CLMN: variants seen among roughly 807,000 people sequenced by gnomAD.
The protein encoded by CLMN is calmin (calponin-like, transmembrane).
In CLMN, 57 loss-of-function variants were observed where a neutral mutation model predicts 92.7. The observed-to-expected ratio is 0.61, with a 90% CI of 0.50 to 0.77. The LOEUF (loss-of-function observed/expected upper bound fraction) is 0.77. Ranked by LOEUF, CLMN falls within the 30% of genes least tolerant of loss-of-function variation. CLMN has a pLI of 0.00. For synonymous variants in CLMN, 466 were observed against 470.6 expected (o/e 0.99, Z 0.13); for missense variants, 1,158 against 1,237.5 (o/e 0.94, Z 0.96).
Position 95,202,884 on chromosome 14 carries a change from T to C in CLMN, c.2465A>G (p.His822Arg), listed in dbSNP as rs1377797060. Residue 822 changes from histidine to arginine, a missense_variant, in exon 9 of 13, where the codon CAC (histidine) becomes CGC (arginine). His to Arg is a conservative substitution (Grantham distance 29). Coordinates refer to ENST00000298912, the MANE Select transcript of CLMN (RefSeq NM_024734.4). Reference protein sequence around the residue: ...EPAPLAPHEDHQQRETKENDP... With the variant: ...EPAPLAPHEDRQQRETKENDP... ...ATTCTCTTTGGTCTCCCTTTGCTGG[T>C]GGTCCTCATGGGGGGCCAGTGGAGC... The C allele has an allele frequency of 1.9e-6, 3 of 1,565,582 alleles. No individual in the cohort carries two copies. The highest frequency in any genetic ancestry group is 2.6e-6 in the Non-Finnish European group (3 of 1,160,826).
intron 1 of CLMN, among the ~76,000 whole-genome samples, chr14:95,301,611 C>T (rs1199985311): frequency 1.3e-5 from 2 of 152,226 alleles, no homozygotes; most frequent in Non-Finnish European, 2.9e-5. Flanking sequence ...CTCCCTCATC[C>T]CCAGGTCTGC....
At chr14:95,288,723 G>A (rs1390657112) in intron 1 of CLMN, among the ~76,000 whole-genome samples, 1 of 152,138 alleles carries the variant, frequency 6.6e-6, no homozygotes, top group Non-Finnish European at 1.5e-5. Context: ...TAAGCCAGAA[G>A]AAACAAGCGC....
chr14:95,194,264 C>T lies in CLMN; in HGVS notation c.2769+272G>A, dbSNP rs796200753. ...TCTGAACGTGATCCTTCTGGGTGCG[C>T]GCGGGGTCCAGGTGAGGCGTTTTGG... On this transcript the variant is annotated intron_variant, in intron 11 of 12. Coordinates refer to ENST00000298912, the MANE Select transcript of CLMN (RefSeq NM_024734.4). This position sits in a 1 kb window ranked among gnomAD's most constrained non-coding sequence, Gnocchi z 4.0. 8.3e-5 allele frequency: 116 copies of T among 1,396,422 alleles called. No homozygotes were observed. The highest frequency in any genetic ancestry group is 4.2e-4 in the South Asian group (26 of 62,264). 86.5% of individuals were successfully genotyped at this position (1,396,422 alleles called of 1,614,324 possible).
intron 8 of CLMN, among the ~76,000 whole-genome samples, chr14:95,204,970 T>C (rs567594027): frequency 5.1e-4 from 77 of 152,306 alleles, no homozygotes; most frequent in African/African-American, 1.8e-3. Context: ...TTTCTTCATA[T>C]ACTAATTAGC....
At chr14:95,319,537 C>T (rs1345858119) in intron 1 of CLMN, among the ~76,000 whole-genome samples, 174 bp downstream of exon 1, 2 of 152,142 alleles carry the variant, frequency 1.3e-5, no homozygotes, top group Admixed American at 6.5e-5. Context: ...CGCGGCTGGC[C>T]GCCCTGGGGC....
intron 1 of CLMN, among the ~76,000 whole-genome samples, chr14:95,312,807 C>A (rs1465657859): frequency 6.6e-6 from 1 of 152,128 alleles, no homozygotes; most frequent in Non-Finnish European, 1.5e-5. Flanking sequence ...GATGTGGGGG[C>A]ATCTTGACGG....
At chr14:95,192,054 C>T (rs1275238957) in intron 12 of CLMN, 2 of 217,828 alleles carry the variant, frequency 9.2e-6, no homozygotes, top group African/African-American at 4.6e-5. Context: ...ATGCAATTAA[C>T]TTGGCGACAG....
intron 1 of CLMN, among the ~76,000 whole-genome samples, chr14:95,273,034 T>C (rs1184317405): frequency 6.6e-6 from 1 of 152,180 alleles, no homozygotes; most frequent in Non-Finnish European, 1.5e-5. Context: ...TTTACACTTC[T>C]ATGAAGAAAA....
chr14:95,199,577 G>A (rs1422573835), intron 9 of CLMN, among the ~76,000 whole-genome samples: 2 of 152,108 alleles, frequency 1.3e-5, no homozygotes, highest in South Asian at 2.1e-4. Context: ...GTCAGGCACC[G>A]TGCTGGTCTC....
Position 95,187,922 on chromosome 14 carries a change from C to T in CLMN, c.*3642G>A, listed in dbSNP as rs1003424193. On this transcript the variant is annotated 3_prime_UTR_variant, in exon 13 of 13. Coordinates refer to ENST00000298912, the MANE Select transcript of CLMN (RefSeq NM_024734.4). ...CAGTCAAGCCAAGTGCTCATGGGGA[C>T]TTCTGCCCAGATGGGACACCATTTT... The T allele has an allele frequency of 1.8e-4, 27 of 152,246 alleles. No homozygotes were observed. The highest frequency in any genetic ancestry group is 6.3e-4 in the African/African-American group (26 of 41,452). The allele number at this position is 152,246 out of a possible 1,614,324, so 9.4% of individuals were successfully genotyped here.
At position 95,191,878 on chromosome 14, in the gene CLMN, C is replaced by T. The variant is rs1429512847; in HGVS notation, c.2841-146G>A. 1.7e-5 allele frequency: 12 copies of T among 725,070 alleles called. No individual in the cohort carries two copies. Among genetic ancestry groups the T allele is most frequent in the African/African-American group, 1.1e-4 (6 of 56,084 alleles). 44.9% of individuals were successfully genotyped at this position (725,070 alleles called of 1,614,324 possible). A position where few individuals can be genotyped will look rare whatever the true frequency, so the allele number is the denominator to read the frequency against. Reference sequence around the variant, plus strand: ...CAGCACCATGTCCAGGTAGGCCCCACACTGTGTGTACTGGCCCAAGGCAGT... The same window carrying T: ...CAGCACCATGTCCAGGTAGGCCCCATACTGTGTGTACTGGCCCAAGGCAGT... On this transcript the variant is annotated intron_variant, in intron 12 of 12. Coordinates refer to ENST00000298912, the MANE Select transcript of CLMN (RefSeq NM_024734.4). This position sits in a 1 kb window ranked among gnomAD's most constrained non-coding sequence, Gnocchi z 5.3.
intron 1 of CLMN, among the ~76,000 whole-genome samples, chr14:95,284,099 G>A (rs527747149): frequency 6.6e-5 from 10 of 152,158 alleles, no homozygotes; most frequent in African/African-American, 1.2e-4. Flanking sequence ...TGTCCCAGCC[G>A]CTCCAGTTGT....
intron 4 of CLMN, among the ~76,000 whole-genome samples, chr14:95,220,052 A>G (rs1897478914): frequency 2.0e-5 from 3 of 151,974 alleles, no homozygotes; most frequent in Admixed American, 1.3e-4. Context: ...ATAGAATCAT[A>G]TAATAAGTGG....
intron 2 of CLMN, 29 bp from the exon 3 acceptor site, chr14:95,223,884 A>C: frequency 6.7e-7 from 1 of 1,491,594 alleles, no homozygotes; most frequent in Non-Finnish European, 9.3e-7. Flanking sequence ...GAAAGTAGCC[A>C]ATTAGCAACC....
At position 95,213,243 on chromosome 14, in the gene CLMN, G is replaced by A. The variant is rs145508613; in HGVS notation, c.584C>T (p.Ala195Val). Residue 195 changes from alanine to valine, a missense_variant, in exon 6 of 13, where the codon GCG becomes GTG. By Grantham distance (64) the Ala-to-Val change is moderately conservative. Transcript: ENST00000298912. ...CTTTCTCGTTTTCCTCTGCACCCACGCCAACAGGGCCTTGATAGCCTTCCT... is the reference window on the plus strand; with the variant it reads ...CTTTCTCGTTTTCCTCTGCACCCACACCAACAGGGCCTTGATAGCCTTCCT... ...DQRKAIKALL[A>V]WVQRKTRKYG... 3.0e-5 allele frequency: 48 copies of A among 1,613,772 alleles called. No homozygotes were observed. The highest frequency in any genetic ancestry group is 2.2e-4 in the Admixed American group (13 of 59,962).
At chr14:95,213,807 C>A (rs575213977) in intron 5 of CLMN, among the ~76,000 whole-genome samples, 5 of 152,230 alleles carry the variant, frequency 3.3e-5, no homozygotes, top group Admixed American at 6.5e-5. Flanking sequence ...GCCTCGATGT[C>A]CCTTCCCTCC....
chr14:95,290,898 G>A (rs1298126148), intron 1 of CLMN, among the ~76,000 whole-genome samples: 1 of 152,114 alleles, frequency 6.6e-6, no homozygotes, highest in African/African-American at 2.4e-5. Context: ...TGGTAGCCTA[G>A]GGATACCGAC....
intron 1 of CLMN, among the ~76,000 whole-genome samples, chr14:95,293,358 C>CCTCCCTCCTTCCT (rs1566918282): frequency 6.9e-5 from 5 of 72,902 alleles, no homozygotes; most frequent in African/African-American, 3.1e-4. Context: ...CCTTCTTTTC[C>CCTCCCTCCTTCCT]TCCCTCCCTC....
chr14:95,287,827 T>C (rs1900400671), intron 1 of CLMN, among the ~76,000 whole-genome samples: 2 of 152,334 alleles, frequency 1.3e-5, no homozygotes, highest in South Asian at 4.1e-4. Flanking sequence ...GCCCTGTTTC[T>C]GGAGGGCAGA....
Sources: gnomAD v4.1 joint callset for allele counts (sites outside exome capture counted in the v4.1 genomes callset) on GRCh38, gnomAD v4.1.1 for gene constraint, Gnocchi (gnomAD v3.1) non-coding constraint, MANE v1.5 for transcripts, NCBI Gene and HGNC (gene_info 2026-07-23, HGNC 2026-07-21) for gene names.